Variants in SPATA16 observed in about 807,000 individuals in gnomAD.
SPATA16 encodes the protein spermatogenesis-associated protein 16.
Under a neutral mutation model 63.3 loss-of-function variants are expected in SPATA16, and 36 were observed. That is an observed-to-expected ratio of 0.57 (90% CI 0.44 to 0.75). The LOEUF is 0.75. SPATA16 is among the 30% of genes least tolerant of loss of function. The pLI is 0.00. For missense variants in SPATA16, 646 were observed against 679.3 expected, an observed-to-expected ratio of 0.95 and a Z score of 0.54; for synonymous variants, 203 against 216.7, an observed-to-expected ratio of 0.94 and a Z score of 0.56.
intron 6 of SPATA16, among the ~76,000 whole-genome samples, chr3:172,945,593 T>A (rs2043599770): frequency 6.6e-6 from 1 of 152,126 alleles, no homozygotes; most frequent in Non-Finnish European, 1.5e-5. Flanking sequence ...GAGAATACAG[T>A]AATTGTGGGA....
chr3:172,927,066 GT>G (rs948666490), intron 6 of SPATA16, among the ~76,000 whole-genome samples: 3 of 151,904 alleles, frequency 2.0e-5, no homozygotes, highest in African/African-American at 4.8e-5. Context: ...CACCACGAGT[GT>G]TTTTTTTAAC....
intron 4 of SPATA16, among the ~76,000 whole-genome samples, chr3:172,989,476 A>C (rs1275698299): frequency 6.6e-6 from 1 of 152,222 alleles, no homozygotes; most frequent in Non-Finnish European, 1.5e-5. Context: ...AATATGGCAC[A>C]GAGGTTGAAA....
At chr3:173,137,616 C>T (rs1738581799) in intron 1 of SPATA16, among the ~76,000 whole-genome samples, 1 of 152,094 alleles carries the variant, frequency 6.6e-6, no homozygotes, top group South Asian at 2.1e-4. Flanking sequence ...TTCTTTCAAT[C>T]TGGTAATGAC....
intron 2 of SPATA16, among the ~76,000 whole-genome samples, chr3:173,110,474 T>C (rs538052895): frequency 6.6e-6 from 1 of 152,328 alleles, no homozygotes; most frequent in East Asian, 1.9e-4. Flanking sequence ...TGTTAAACAA[T>C]GTTGGTAAAC....
In SPATA16 at chr3:172,925,547, A is replaced by T. The variant is rs1732710386; in HGVS notation, c.1082-55T>A. ...GCTTTGTTATGGTTTTAATATTTTT[A>T]GGGTTTTCCCCCCCAGATTTCAGGA... On this transcript the variant is annotated intron_variant, in intron 6 of 10. Transcript: ENST00000351008. The T allele has an allele frequency of 1.6e-5, 25 of 1,610,772 alleles. No homozygotes were observed. The South Asian group carries it at 2.5e-4, about 16-fold the overall frequency.
chr3:172,959,268 C>T (rs1236354270), intron 5 of SPATA16, among the ~76,000 whole-genome samples: 7 of 152,298 alleles, frequency 4.6e-5, no homozygotes, highest in African/African-American at 1.4e-4. Flanking sequence ...TGGTAAGACT[C>T]GTGCCCAAGA....
chr3:173,085,274 A>G (rs1737023561), intron 2 of SPATA16, among the ~76,000 whole-genome samples: 1 of 151,978 alleles, frequency 6.6e-6, no homozygotes, highest in African/African-American at 2.4e-5. Context: ...CTTTGTAGCA[A>G]TTGTGAATGG....
chr3:173,125,394 A>C (rs970947916), intron 1 of SPATA16, among the ~76,000 whole-genome samples: 3 of 152,180 alleles, frequency 2.0e-5, no homozygotes, highest in Non-Finnish European at 4.4e-5. Context: ...ATCCCACCTC[A>C]TTCTTACTAA....
At chr3:173,034,398 A>AT (rs1735670303) in intron 3 of SPATA16, among the ~76,000 whole-genome samples, 1 of 152,118 alleles carries the variant, frequency 6.6e-6, no homozygotes, top group Non-Finnish European at 1.5e-5. Flanking sequence ...GAGTCTTAGA[A>AT]TTAGAGGGAA....
chr3:173,051,556 C>T (rs1358569261), intron 2 of SPATA16, among the ~76,000 whole-genome samples: 5 of 151,846 alleles, frequency 3.3e-5, no homozygotes, highest in Non-Finnish European at 7.4e-5. Flanking sequence ...GGCTGGGTCT[C>T]GAACTCCTGA....
chr3:173,033,927 A>G (rs1735660010), intron 3 of SPATA16, among the ~76,000 whole-genome samples: 1 of 151,324 alleles, frequency 6.6e-6, no homozygotes, highest in Admixed American at 6.6e-5. Flanking sequence ...CTGATCTTGA[A>G]CTCCTGATCT....
chr3:173,110,572 A>G (rs1737726012), intron 2 of SPATA16, among the ~76,000 whole-genome samples: 2 of 152,222 alleles, frequency 1.3e-5, no homozygotes, highest in South Asian at 4.1e-4. Flanking sequence ...AAGTACAGTG[A>G]CAACTTGTAC....
chr3:172,984,185 G>A (rs1734387889), intron 4 of SPATA16, among the ~76,000 whole-genome samples: 1 of 152,022 alleles, frequency 6.6e-6, no homozygotes, highest in African/African-American at 2.4e-5. Context: ...GTGCTCGGTA[G>A]CCCCATGTGG....
intron 3 of SPATA16, among the ~76,000 whole-genome samples, chr3:173,021,898 C>CT (rs566394000): frequency 1.1e-4 from 16 of 152,092 alleles, no homozygotes; most frequent in Non-Finnish European, 2.4e-4. Flanking sequence ...CCTTTGGCAT[C>CT]TTTTTGCCTA....
chr3:172,997,419 TG>T (rs1734718019), intron 4 of SPATA16, among the ~76,000 whole-genome samples: 1 of 152,092 alleles, frequency 6.6e-6, no homozygotes, highest in African/African-American at 2.4e-5. Context: ...TCTTCTTTGG[TG>T]AAGTGTCTGT....
chr3:172,974,761 G>A (rs974529347), intron 5 of SPATA16, among the ~76,000 whole-genome samples: 7 of 152,028 alleles, frequency 4.6e-5, no homozygotes, highest in African/African-American at 1.4e-4. Context: ...AGATTTTAGT[G>A]CTAAAATGGG....
intron 6 of SPATA16, among the ~76,000 whole-genome samples, chr3:172,926,586 G>C (rs1319102214): frequency 6.6e-6 from 1 of 152,194 alleles, no homozygotes; most frequent in Non-Finnish European, 1.5e-5. Flanking sequence ...TCTGACTCCA[G>C]ACACCACAGG....
chr3:173,051,406 G>A (rs1736090019), intron 2 of SPATA16, among the ~76,000 whole-genome samples: 2 of 152,130 alleles, frequency 1.3e-5, no homozygotes, highest in Admixed American at 1.3e-4. Context: ...GTTTCACCGT[G>A]TTAGCCAGGA....
intron 2 of SPATA16, among the ~76,000 whole-genome samples, chr3:173,110,097 A>G (rs1413672282): frequency 1.3e-5 from 2 of 152,158 alleles, no homozygotes; most frequent in Admixed American, 6.5e-5. Context: ...GCATTTTCCA[A>G]ATTTTTTAAA....
Sources: gnomAD v4.1 joint callset for allele counts (sites outside exome capture counted in the v4.1 genomes callset) on GRCh38, gnomAD v4.1.1 for gene constraint, MANE v1.5 for transcripts, NCBI Gene and HGNC (gene_info 2026-07-23, HGNC 2026-07-21) for gene names.